NCOA2: variants seen among roughly 807,000 people sequenced by gnomAD.
NCOA2 encodes class E basic helix-loop-helix protein 75.
In NCOA2, 21 loss-of-function variants were observed where a neutral mutation model predicts 145.1. That is an observed-to-expected ratio of 0.14 (90% CI 0.10 to 0.21). The LOEUF is 0.21. Among genes scored for constraint, NCOA2 ranks in the 10% least tolerant of loss-of-function variants. NCOA2 has a pLI of 1.00. For missense variants in NCOA2, 1,472 were observed against 1,837.6 expected (o/e 0.80, Z 3.64); for synonymous variants, 619 against 637.5 (o/e 0.97, Z 0.44).
chr8:70,443,803 G>C, the NCOA2 span, among the ~76,000 whole-genome samples: 3 of 151,900 alleles, frequency 2.0e-5, no homozygotes, highest in African/African-American at 7.3e-5. Flanking sequence ...TTGAACTCTC[G>C]GCCTCAAGTG....
At chr8:70,373,484 A>G (rs1049620277) in intron 1 of NCOA2, among the ~76,000 whole-genome samples, 1 of 152,206 alleles carries the variant, frequency 6.6e-6, no homozygotes, top group Non-Finnish European at 1.5e-5. Context: ...TTTTCTCCCA[A>G]TATGTGGCTT....
At chr8:70,369,350 T>C (rs1352627083) in intron 1 of NCOA2, among the ~76,000 whole-genome samples, 1 of 152,262 alleles carries the variant, frequency 6.6e-6, no homozygotes, top group Admixed American at 6.5e-5. Context: ...TAAATATCCC[T>C]GATTAATCTG....
chr8:70,347,005 A>G (rs1244066972), intron 1 of NCOA2, among the ~76,000 whole-genome samples: 2 of 152,208 alleles, frequency 1.3e-5, no homozygotes, highest in Non-Finnish European at 1.5e-5. Flanking sequence ...AAATTGGCCT[A>G]TAACAGTTTT....
intron 1 of NCOA2, among the ~76,000 whole-genome samples, chr8:70,322,340 T>C (rs1472890987): frequency 3.9e-5 from 6 of 152,190 alleles, no homozygotes; most frequent in Non-Finnish European, 8.8e-5. Context: ...ATGATAAATA[T>C]TTACTGATAT....
At chr8:70,201,072 A>AAG (rs1817840068) in intron 4 of NCOA2, among the ~76,000 whole-genome samples, 7 of 149,486 alleles carry the variant, frequency 4.7e-5, no homozygotes, top group South Asian at 2.1e-4. Context: ...AAAAAAAAAA[A>AAG]GTAAAGTGAA....
In NCOA2 at chr8:70,185,484, G is replaced by A. The variant is rs1036238167; in HGVS notation, c.260-10625C>T. Among the ~76,000 whole-genome samples the A allele has an allele frequency of 2.0e-5, 3 of 152,114 alleles. No individual in the cohort carries two copies. The East Asian group carries it at 5.8e-4, about 29-fold the overall frequency. On this transcript the variant is annotated intron_variant, in intron 4 of 22. Transcript: ENST00000452400. ...AGCAATGAAGGCACAGGGAGAATGG[G>A]GCTGAGAGGACAGCAGACTCCAGGG... is the stretch of plus-strand genomic sequence containing the variant.
intron 4 of NCOA2, among the ~76,000 whole-genome samples, chr8:70,200,705 G>A (rs1586069892): frequency 6.6e-6 from 1 of 152,194 alleles, no homozygotes; most frequent in African/African-American, 2.4e-5. Flanking sequence ...ACTTACACAA[G>A]GTAACTATAA....
upstream of NCOA2, among the ~76,000 whole-genome samples, chr8:70,404,220 A>C (rs1814651798): frequency 6.6e-6 from 1 of 152,208 alleles, no homozygotes; most frequent in Non-Finnish European, 1.5e-5. Flanking sequence ...AGGTGACTGG[A>C]ACTGAAGAGA....
chr8:70,300,321 A>T (rs1267522928), intron 1 of NCOA2, among the ~76,000 whole-genome samples: 1 of 152,210 alleles, frequency 6.6e-6, no homozygotes, highest in Non-Finnish European at 1.5e-5. Flanking sequence ...AATTTTTAAA[A>T]TGCAAAAAAA....
the NCOA2 span, among the ~76,000 whole-genome samples, chr8:70,428,383 C>T: frequency 6.6e-6 from 1 of 152,156 alleles, no homozygotes; most frequent in African/African-American, 2.4e-5. Context: ...TCCCTTGAGC[C>T]TGGGAGGTTG....
chr8:70,397,455 A>T (rs1813778157), intron 1 of NCOA2, among the ~76,000 whole-genome samples: 1 of 140,864 alleles, frequency 7.1e-6, no homozygotes, highest in Admixed American at 6.8e-5. Context: ...CCTGTCTCAA[A>T]AAAAGGAAAA....
chr8:70,214,194 G>T (rs919004365), intron 3 of NCOA2, 119 bp from the exon 4 acceptor site: 5 of 952,842 alleles, frequency 5.2e-6, no homozygotes, highest in Non-Finnish European at 7.8e-6. Flanking sequence ...TATAAACACA[G>T]AAATACTTTT....
intron 4 of NCOA2, among the ~76,000 whole-genome samples, chr8:70,177,108 G>T (rs913216219): frequency 5.3e-5 from 8 of 152,122 alleles, no homozygotes; most frequent in Non-Finnish European, 1.0e-4. Context: ...TATTCACAGG[G>T]GTCGCATCAG....
At chr8:70,125,750 C>T (rs1332636470) in intron 19 of NCOA2, among the ~76,000 whole-genome samples, 1 of 151,906 alleles carries the variant, frequency 6.6e-6, no homozygotes, top group African/African-American at 2.4e-5. Context: ...TAGGGCTATC[C>T]AATATTAGTA....
intron 1 of NCOA2, among the ~76,000 whole-genome samples, chr8:70,365,737 T>C (rs1486511371): frequency 6.6e-6 from 1 of 152,172 alleles, no homozygotes; most frequent in Non-Finnish European, 1.5e-5. Flanking sequence ...ATAAAAGCCA[T>C]TGCCGGTGGC....
Position 70,219,566 on chromosome 8 carries a change from C to T in NCOA2, c.-19-2802G>A, listed in dbSNP as rs528455464. ...CCTGGTAACCTCCAGGAAGTGCCAA[C>T]ATGCAAGGATGCCCTGTCTGAATCA... is the stretch of plus-strand genomic sequence containing the variant. On this transcript the variant is annotated intron_variant, in intron 2 of 22. Coordinates refer to ENST00000452400, the MANE Select transcript of NCOA2 (RefSeq NM_006540.4). Among the ~76,000 whole-genome samples, 3 of 152,164 alleles carry T rather than the reference C, an allele frequency of 2.0e-5. No individual in the cohort carries two copies. The East Asian group carries it at 5.8e-4, about 29-fold the overall frequency.
chr8:70,445,801 T>A, the NCOA2 span, among the ~76,000 whole-genome samples: 3 of 152,222 alleles, frequency 2.0e-5, no homozygotes, highest in South Asian at 6.2e-4. Context: ...TTTTTAAAAA[T>A]CATTTAACTA....
At chr8:70,397,680 G>A (rs577101080) in intron 1 of NCOA2, among the ~76,000 whole-genome samples, 35 of 152,178 alleles carry the variant, frequency 2.3e-4, no homozygotes, top group African/African-American at 7.2e-4. Flanking sequence ...CACCACACAG[G>A]ACTCAAGGAC....
intron 2 of NCOA2, among the ~76,000 whole-genome samples, chr8:70,221,612 A>C (rs1820142643): frequency 6.6e-6 from 1 of 152,222 alleles, no homozygotes; most frequent in Non-Finnish European, 1.5e-5. Context: ...TGCTAGAGGA[A>C]GGGAAATACC....
Sources: gnomAD v4.1 joint callset for allele counts (sites outside exome capture counted in the v4.1 genomes callset) on GRCh38, gnomAD v4.1.1 for gene constraint, MANE v1.5 for transcripts, NCBI Gene and HGNC (gene_info 2026-07-23, HGNC 2026-07-21) for gene names.